VPS26A: variants seen among roughly 807,000 people sequenced by gnomAD.
VPS26A encodes the protein VPS26 retromer complex component A.
VPS26A carries 22 observed loss-of-function variants against 42.4 expected under a neutral mutation model. The observed-to-expected ratio is 0.52, with a 90% CI of 0.37 to 0.74. The LOEUF (loss-of-function observed/expected upper bound fraction) is 0.74, where lower values mean the gene tolerates loss of function less well. Among genes scored for constraint, VPS26A ranks in the 30% least tolerant of loss-of-function variants. The probability of loss-of-function intolerance (pLI) is 0.00; values close to 1 mark genes in which losing one functional copy is unlikely to be tolerated. For missense variants in VPS26A, 276 were observed against 379.2 expected, an observed-to-expected ratio of 0.73 and a Z score of 2.26; for synonymous variants, 110 against 123.5, an observed-to-expected ratio of 0.89 and a Z score of 0.73.
intron 2 of VPS26A, among the ~76,000 whole-genome samples, chr10:69,148,957 C>T (rs572398945): frequency 1.7e-4 from 26 of 152,122 alleles, no homozygotes; most frequent in Admixed American, 1.3e-3. Flanking sequence ...GGGGTTTCAC[C>T]GTGTTAGCCA....
chr10:69,162,590 A>G (rs1348038791), intron 6 of VPS26A, 78 bp downstream of exon 6: 1 of 886,342 alleles, frequency 1.1e-6, no homozygotes, highest in Non-Finnish European at 1.7e-6. Flanking sequence ...TTGTTTAAAC[A>G]TAATTTGATA....
At chr10:69,151,282 A>AAAAAAAAAAAAAAAAAAAAC (rs71035063) in intron 2 of VPS26A, among the ~76,000 whole-genome samples, 11 of 136,822 alleles carry the variant, frequency 8.0e-5, no homozygotes, top group African/African-American at 3.6e-4. Context: ...AAAAAAAAAA[A>AAAAAAAAAAAAAAAAAAAAC]ACACACACAC....
chr10:69,124,320 G>A, intron 1 of VPS26A, 40 bp downstream of exon 1: 10 of 1,240,362 alleles, frequency 8.1e-6, no homozygotes, highest in Non-Finnish European at 1.0e-5. Context: ...TCCCGCCCTC[G>A]TCCCGGAGCG....
At chr10:69,144,550 GGTTT>G (rs1841113952) in intron 2 of VPS26A, among the ~76,000 whole-genome samples, 3 of 152,084 alleles carry the variant, frequency 2.0e-5, no homozygotes, top group African/African-American at 7.2e-5. Context: ...TTTTTAGATT[GGTTT>G]ATTTCATTTA....
At chr10:69,136,901 C>A (rs967440079) in intron 2 of VPS26A, among the ~76,000 whole-genome samples, 1 of 152,080 alleles carries the variant, frequency 6.6e-6, no homozygotes. Context: ...AAGTGATTCT[C>A]CTGCCTCAGC....
At chr10:69,143,963 C>T (rs1841100072) in intron 2 of VPS26A, among the ~76,000 whole-genome samples, 1 of 152,208 alleles carries the variant, frequency 6.6e-6, no homozygotes, top group African/African-American at 2.4e-5. Flanking sequence ...AGTGATCCTC[C>T]TGCCTCTGCC....
chr10:69,162,130 C>T (rs1251158205), intron 5 of VPS26A, among the ~76,000 whole-genome samples: 1 of 151,586 alleles, frequency 6.6e-6, no homozygotes, highest in Non-Finnish European at 1.5e-5. Context: ...TAGCAGGGAT[C>T]ACAAGCATGT....
At chr10:69,150,665 G>A (rs994907028) in intron 2 of VPS26A, among the ~76,000 whole-genome samples, 1 of 152,058 alleles carries the variant, frequency 6.6e-6, no homozygotes, top group Non-Finnish European at 1.5e-5. Context: ...CCAAAGTGCT[G>A]GGATTACAGG....
intron 2 of VPS26A, among the ~76,000 whole-genome samples, chr10:69,154,824 A>G (rs1172925107): frequency 1.3e-5 from 2 of 152,196 alleles, no homozygotes; most frequent in South Asian, 2.1e-4. Flanking sequence ...ATAATCATGC[A>G]CTGTACTCCA....
At chr10:69,136,740 GA>G (rs1840920485) in intron 2 of VPS26A, among the ~76,000 whole-genome samples, 1 of 152,010 alleles carries the variant, frequency 6.6e-6, no homozygotes, top group South Asian at 2.1e-4. Context: ...AGCTCATATA[GA>G]AAAAAGAATG....
intron 6 of VPS26A, among the ~76,000 whole-genome samples, chr10:69,163,766 CTTTT>C (rs869154106): frequency 2.2e-5 from 3 of 133,600 alleles, no homozygotes; most frequent in Non-Finnish European, 3.2e-5. Flanking sequence ...TTTCAGTTTT[CTTTT>C]TTTTTTTTTT....
chr10:69,130,789 G>C (rs979990837), intron 1 of VPS26A, among the ~76,000 whole-genome samples: 6 of 152,142 alleles, frequency 3.9e-5, no homozygotes, highest in African/African-American at 1.4e-4. Flanking sequence ...TACGTTTTGT[G>C]TATTCCTTTT....
At chr10:69,143,719 T>C (rs996198349) in intron 2 of VPS26A, among the ~76,000 whole-genome samples, 1 of 152,138 alleles carries the variant, frequency 6.6e-6, no homozygotes, top group African/African-American at 2.4e-5. Context: ...GTTTTCAAAT[T>C]AAATTTAATT....
intron 1 of VPS26A, among the ~76,000 whole-genome samples, chr10:69,124,591 G>C (rs1416809349): frequency 6.6e-6 from 1 of 152,208 alleles, no homozygotes; most frequent in African/African-American, 2.4e-5. Context: ...GCGGGGGCTG[G>C]TCGCCGCCTC....
chr10:69,163,069 G>A (rs192193128), intron 6 of VPS26A, among the ~76,000 whole-genome samples: 245 of 152,332 alleles, frequency 1.6e-3, no homozygotes, highest in Non-Finnish European at 2.8e-4. Context: ...ACTTAGTAGT[G>A]CATCTTAGAG....
At chr10:69,139,706 T>A (rs1840997509) in intron 2 of VPS26A, among the ~76,000 whole-genome samples, 1 of 152,242 alleles carries the variant, frequency 6.6e-6, no homozygotes, top group Non-Finnish European at 1.5e-5. Flanking sequence ...CAGCCATTAT[T>A]AATTAGTATT....
At chr10:69,155,667 C>T (rs919012398) in intron 2 of VPS26A, 145 bp from the exon 3 acceptor site, 2 of 668,238 alleles carry the variant, frequency 3.0e-6, no homozygotes, top group African/African-American at 3.7e-5. Context: ...GCTATAACAT[C>T]ATCCTGATTT....
At position 69,138,888 on chromosome 10, in the gene VPS26A, A is replaced by G. The variant is rs1246748156; in HGVS notation, c.153+5841A>G. ...TATACATAATAGTCTCAGAATAACA[A>G]TACTAACATTACCACTATCAATATG... On this transcript the variant is annotated intron_variant, in intron 2 of 8. Coordinates refer to ENST00000263559, the MANE Select transcript of VPS26A (RefSeq NM_004896.5). Among the ~76,000 whole-genome samples, 7 of 152,244 alleles carry G rather than the reference A, an allele frequency of 4.6e-5. No homozygotes were observed. The East Asian group carries it at 9.6e-4, about 21-fold the overall frequency.
intron 2 of VPS26A, among the ~76,000 whole-genome samples, chr10:69,141,783 T>G (rs566408228): frequency 7.9e-5 from 12 of 152,372 alleles, no homozygotes; most frequent in South Asian, 6.2e-4. Context: ...TATATTGATC[T>G]GTATTCATTC....
Sources: allele counts gnomAD v4.1 joint callset (sites outside exome capture counted in the v4.1 genomes callset), GRCh38; gene constraint gnomAD v4.1.1; transcripts MANE v1.5; gene names NCBI Gene and HGNC (gene_info 2026-07-23, HGNC 2026-07-21).